The following ZFAND6 variants were observed in gnomAD, a reference collection of about 807,000 sequenced individuals.
The protein encoded by ZFAND6 is AN1-type zinc finger protein 6.
A neutral mutation model predicts 24.5 loss-of-function variants in ZFAND6; 12 were observed. The observed-to-expected ratio is 0.49, with a 90% CI of 0.31 to 0.79. The LOEUF (loss-of-function observed/expected upper bound fraction) is 0.79, where lower values mean the gene tolerates loss of function less well. ZFAND6 is among the 30% of genes least tolerant of loss of function. The pLI, the probability that ZFAND6 is intolerant of heterozygous loss-of-function variation, is 0.04. For missense variants in ZFAND6, 207 were observed against 245.9 expected (o/e 0.84, Z 1.06); for synonymous variants, 92 against 81.5 (o/e 1.13, Z -0.69).
At chr15:80,119,594 A>AC (rs34149913) in intron 2 of ZFAND6, among the ~76,000 whole-genome samples, 7 of 151,832 alleles carry the variant, frequency 4.6e-5, no homozygotes, top group African/African-American at 1.5e-4. Context: ...TTAAAAAAAA[A>AC]CTGCATACAT....
chr15:80,106,585 GT>G (rs3082081), intron 2 of ZFAND6, among the ~76,000 whole-genome samples: 423 of 131,230 alleles, frequency 3.2e-3, no homozygotes, highest in East Asian at 5.9e-3. Flanking sequence ...TGTTAAATTT[GT>G]TTTTTTTTTT....
chr15:80,115,511 A>ATTTT (rs2039833573), intron 2 of ZFAND6, among the ~76,000 whole-genome samples: 3 of 152,278 alleles, frequency 2.0e-5, no homozygotes, highest in African/African-American at 7.2e-5. Context: ...TGCCCCAAAA[A>ATTTT]GGTATAGTAG....
At chr15:80,100,642 C>G (rs535780024) in intron 2 of ZFAND6, among the ~76,000 whole-genome samples, 10 of 152,198 alleles carry the variant, frequency 6.6e-5, no homozygotes, top group Non-Finnish European at 8.8e-5. Context: ...TTGCTCTACC[C>G]TTTACCTTAC....
chr15:80,061,562 C>T (rs902787396), intron 1 of ZFAND6, among the ~76,000 whole-genome samples: 15 of 152,108 alleles, frequency 9.9e-5, no homozygotes, highest in Non-Finnish European at 2.9e-5. Flanking sequence ...ATAGTTTTAT[C>T]ATATATGTTT....
At chr15:80,083,931 A>T (rs2037836169) in intron 1 of ZFAND6, among the ~76,000 whole-genome samples, 2 of 152,218 alleles carry the variant, frequency 1.3e-5, no homozygotes, top group African/African-American at 4.8e-5. Flanking sequence ...TTCATAGACA[A>T]GATGAGCTAA....
At chr15:80,120,590 A>G (rs2142013381) in intron 3 of ZFAND6, 92 bp downstream of exon 3, 1 of 1,078,684 alleles carries the variant, frequency 9.3e-7, no homozygotes, top group Admixed American at 3.4e-5. Flanking sequence ...CTCTCACATT[A>G]TATTTATATT....
intron 5 of ZFAND6, among the ~76,000 whole-genome samples, chr15:80,126,994 C>T (rs1166658809): frequency 6.6e-6 from 1 of 151,946 alleles, no homozygotes; most frequent in Non-Finnish European, 1.5e-5. Flanking sequence ...GTCCCAGCTA[C>T]TGGGTAGGGA....
chr15:80,067,951 TTTC>T (rs1285019116), intron 1 of ZFAND6, among the ~76,000 whole-genome samples: 5 of 152,114 alleles, frequency 3.3e-5, no homozygotes, highest in African/African-American at 1.2e-4. Context: ...GTTAATTTTA[TTTC>T]TTAATTAAAA....
At chr15:80,106,356 T>G (rs1043602486) in intron 2 of ZFAND6, among the ~76,000 whole-genome samples, 1 of 152,214 alleles carries the variant, frequency 6.6e-6, no homozygotes, top group African/African-American at 2.4e-5. Flanking sequence ...CCCCTTATTG[T>G]AAATAAAAGT....
intron 1 of ZFAND6, among the ~76,000 whole-genome samples, chr15:80,092,673 A>G (rs187343864): frequency 1.1e-4 from 16 of 152,220 alleles, no homozygotes; most frequent in African/African-American, 3.9e-4. Context: ...GTGGTGGGTG[A>G]ATGGGTTCAT....
At chr15:80,110,792 G>A (rs1420590937) in intron 2 of ZFAND6, among the ~76,000 whole-genome samples, 1 of 152,112 alleles carries the variant, frequency 6.6e-6, no homozygotes, top group Non-Finnish European at 1.5e-5. Flanking sequence ...ATGGAGAAAA[G>A]CATTAATCTT....
rs146835129 is a variant in ZFAND6, at chr15:80,065,819, A to G, written c.-181+6010A>G. Among the ~76,000 whole-genome samples the G allele has an allele frequency of 0.021, 3,125 of 152,138 alleles. 230 individuals carry two copies. In the East Asian group the frequency reaches 0.22, roughly 11 times the overall value. On this transcript the variant is annotated intron_variant, in intron 1 of 6. Transcript: ENST00000261749. ...CTCGGCCTCCCAAAGTGCTGGGATT[A>G]CAGGCGTGACCCACTGTGCCTGGCC...
chr15:80,065,307 C>G (rs1454752132), intron 1 of ZFAND6, among the ~76,000 whole-genome samples: 1 of 150,458 alleles, frequency 6.6e-6, no homozygotes, highest in Non-Finnish European at 1.5e-5. Flanking sequence ...CTGCCTTTAT[C>G]ATATGTTAAA....
At chr15:80,121,592 A>G in intron 3 of ZFAND6, 120 bp from the exon 4 acceptor site, 3 of 648,852 alleles carry the variant, frequency 4.6e-6, no homozygotes, top group South Asian at 3.6e-5. Context: ...CCAACATACT[A>G]CATATTAAAA....
chr15:80,094,973 A>G (rs752181765), intron 1 of ZFAND6, among the ~76,000 whole-genome samples: 1 of 152,086 alleles, frequency 6.6e-6, no homozygotes, highest in Admixed American at 6.6e-5. Context: ...GGGTTTCACC[A>G]TGTTGGCCAG....
intron 2 of ZFAND6, among the ~76,000 whole-genome samples, chr15:80,115,892 CTTGAGTTTTTAT>C (rs1259347768): frequency 6.6e-6 from 1 of 151,966 alleles, no homozygotes. Context: ...TGACTTTTTA[CTTGAGTTTTTAT>C]GGAAATATAT....
In ZFAND6 at chr15:80,108,743, T is replaced by C. The variant is rs202157903; in HGVS notation, c.-18+10165T>C. ...GGCATCCTTGTTTTTTTGTTTTTTT[T>C]CTTTTTTTTTGGAGTCTCACTCTGT... On this transcript the variant is annotated intron_variant, in intron 2 of 6. Coordinates refer to ENST00000261749, the MANE Select transcript of ZFAND6 (RefSeq NM_019006.4). Among the ~76,000 whole-genome samples the C allele has an allele frequency of 8.6e-5, 13 of 151,116 alleles. No individual in the cohort carries two copies. The East Asian group carries it at 2.2e-3, about 25-fold the overall frequency.
intron 1 of ZFAND6, among the ~76,000 whole-genome samples, chr15:80,065,778 C>T (rs1027276763): frequency 1.3e-5 from 2 of 151,922 alleles, no homozygotes; most frequent in Non-Finnish European, 2.9e-5. Context: ...CCCCTGACCT[C>T]AGGTGATCTA....
At chr15:80,091,852 C>G (rs2038397984) in intron 1 of ZFAND6, among the ~76,000 whole-genome samples, 1 of 152,084 alleles carries the variant, frequency 6.6e-6, no homozygotes, top group Non-Finnish European at 1.5e-5. Context: ...ATTGCCCAGG[C>G]TGGTCTTGAA....
Sources: allele counts gnomAD v4.1 joint callset (sites outside exome capture counted in the v4.1 genomes callset), GRCh38; gene constraint gnomAD v4.1.1; transcripts MANE v1.5; gene names NCBI Gene and HGNC (gene_info 2026-07-23, HGNC 2026-07-21).